Variants in ADAMTSL1 observed in about 807,000 individuals in gnomAD.
ADAMTSL1 encodes the protein ADAMTS-like protein 1.
ADAMTSL1 carries 126 observed loss-of-function variants against 201.8 expected under a neutral mutation model. The observed-to-expected ratio is 0.62, with a 90% CI of 0.54 to 0.72. ADAMTSL1 has a LOEUF of 0.72. ADAMTSL1 is among the 30% of genes least tolerant of loss of function. The pLI is 0.00. For missense variants in ADAMTSL1, 2,679 were observed against 2,277.8 expected (o/e 1.18, Z -3.59); for synonymous variants, 1,121 against 903.4 (o/e 1.24, Z -4.32).
chr9:18,605,004 G>C (rs1442922665), intron 4 of ADAMTSL1, among the ~76,000 whole-genome samples: 1 of 152,126 alleles, frequency 6.6e-6, no homozygotes, highest in Non-Finnish European at 1.5e-5. Context: ...TTGATTAAAA[G>C]ACATGCTCAC....
chr9:18,600,884 A>G (rs1824605938), intron 4 of ADAMTSL1, among the ~76,000 whole-genome samples: 1 of 152,150 alleles, frequency 6.6e-6, no homozygotes, highest in South Asian at 2.1e-4. Flanking sequence ...TTGGAACTAT[A>G]CATCTCATTT....
chr9:18,851,403 C>T (rs1230393403), intron 23 of ADAMTSL1, among the ~76,000 whole-genome samples: 1 of 152,188 alleles, frequency 6.6e-6, no homozygotes, highest in Admixed American at 6.5e-5. Context: ...CTGTTAGCAG[C>T]AGCAAATCCA....
rs146302321 is a variant in ADAMTSL1 at position 18,090,996 on chromosome 9, C to T, written c.88-72866C>T. ...CTTTCGCAGGTTCTCCTCAATGGTA[C>T]CTTCTCCATTAAGCTTTTCTCTCCA... On this transcript the variant is annotated intron_variant, in intron 1 of 29. Coordinates refer to the ADAMTSL1 transcript ENST00000680146. Among the ~76,000 whole-genome samples, 13 of 152,012 alleles carry T rather than the reference C, an allele frequency of 8.6e-5. No individual in the cohort carries two copies. The East Asian group carries it at 2.5e-3, about 29-fold the overall frequency.
chr9:18,454,739 G>A (rs751898934), intron 2 of ADAMTSL1, among the ~76,000 whole-genome samples: 1 of 151,938 alleles, frequency 6.6e-6, no homozygotes, highest in Non-Finnish European at 1.5e-5. Flanking sequence ...ATGGAGCCGA[G>A]GCTAATGTGA....
At chr9:18,197,883 C>A (rs941275247) in intron 2 of ADAMTSL1, among the ~76,000 whole-genome samples, 4 of 151,998 alleles carry the variant, frequency 2.6e-5, no homozygotes, top group Non-Finnish European at 4.4e-5. Context: ...GTAACGAAGA[C>A]AGCATGGTAC....
chr9:18,387,515 A>C (rs770252305), intron 2 of ADAMTSL1, among the ~76,000 whole-genome samples: 1 of 152,190 alleles, frequency 6.6e-6, no homozygotes, highest in Admixed American at 6.6e-5. Context: ...TCTATAAATC[A>C]TATATAGTAT....
intron 7 of ADAMTSL1, among the ~76,000 whole-genome samples, chr9:18,655,302 A>G (rs893279729): frequency 2.0e-5 from 3 of 152,170 alleles, no homozygotes; most frequent in Admixed American, 1.3e-4. Flanking sequence ...AGTGCAGTCA[A>G]TTGCTATGGA....
chr9:18,034,284 CT>C (rs1465622313), intron 1 of ADAMTSL1, among the ~76,000 whole-genome samples: 1 of 152,074 alleles, frequency 6.6e-6, no homozygotes, highest in Non-Finnish European at 1.5e-5. Context: ...AGCTTGGCAT[CT>C]GCCCTGTGGC....
At chr9:18,398,314 A>T (rs1344025901) in intron 2 of ADAMTSL1, among the ~76,000 whole-genome samples, 1 of 152,188 alleles carries the variant, frequency 6.6e-6, no homozygotes, top group Non-Finnish European at 1.5e-5. Context: ...GGTCATATTG[A>T]GTAAAATAAC....
At chr9:18,152,775 A>G (rs1826975330) in intron 1 of ADAMTSL1, among the ~76,000 whole-genome samples, 1 of 150,980 alleles carries the variant, frequency 6.6e-6, no homozygotes, top group Non-Finnish European at 1.5e-5. Context: ...GCAAGAATGC[A>G]AAAAAAAAGA....
chr9:18,085,441 A>G (rs530929376), intron 1 of ADAMTSL1, among the ~76,000 whole-genome samples: 38 of 148,286 alleles, frequency 2.6e-4, no homozygotes, highest in African/African-American at 9.4e-4. Flanking sequence ...TATATAGTAT[A>G]TATTGTGTAC....
chr9:18,771,116 C>T (rs1392157630), intron 17 of ADAMTSL1, among the ~76,000 whole-genome samples: 3 of 152,144 alleles, frequency 2.0e-5, no homozygotes, highest in African/African-American at 4.8e-5. Flanking sequence ...ACCACCCCCT[C>T]CTCCTGACCT....
rs760762246 is a variant in ADAMTSL1 at position 18,775,844 on chromosome 9, G to A, written c.2499G>A (p.Pro833=). The A allele has an allele frequency of 1.9e-6, 3 of 1,605,154 alleles. No homozygotes were observed. The highest frequency in any genetic ancestry group is 2.2e-5 in the East Asian group (1 of 44,610). The change falls in exon 18 of 29, where the codon CCG becomes CCA. Residue 833 remains proline (P), a synonymous_variant. Transcript: ENST00000380548. ...CGGTTGTCAATTCCACCCTGTGCCC[G>A]CCCCTGCCTTTCTCTTCCTCCATCA... ...LSTVVNSTLC[P]PLPFSSSIRP...
rs1049071315 is a variant in ADAMTSL1, at chr9:18,728,396, G to A, written c.2006+6731G>A. Among the ~76,000 whole-genome samples the A allele has an allele frequency of 6.6e-5, 10 of 152,136 alleles. No homozygotes were observed. The South Asian group carries it at 8.3e-4, about 13-fold the overall frequency. On this transcript the variant is annotated intron_variant, in intron 15 of 28. Coordinates refer to ENST00000380548, the MANE Select transcript of ADAMTSL1 (RefSeq NM_001040272.6). ...TCTGGGAAATGTCTTTATATAGACC[G>A]TTGGTTAACGTTAACTTTCTGCACA...
intron 19 of ADAMTSL1, among the ~76,000 whole-genome samples, chr9:18,787,429 G>A (rs1472260919): frequency 6.6e-6 from 1 of 152,112 alleles, no homozygotes; most frequent in Non-Finnish European, 1.5e-5. Context: ...TCTATTCCCT[G>A]AAATGCTAGG....
intron 3 of ADAMTSL1, among the ~76,000 whole-genome samples, chr9:18,538,642 G>T (rs1819942838): frequency 6.6e-6 from 1 of 152,204 alleles, no homozygotes; most frequent in South Asian, 2.1e-4. Context: ...TGGAAGCAAA[G>T]TTCTCATCCT....
chr9:18,890,867 T>C (rs1036622037), intron 25 of ADAMTSL1: 2 of 292,076 alleles, frequency 6.8e-6, no homozygotes, highest in East Asian at 9.6e-5. Flanking sequence ...AAGAGATCTT[T>C]GATGTGCCAG....
At chr9:18,535,163 A>G (rs1199308269) in intron 3 of ADAMTSL1, among the ~76,000 whole-genome samples, 1 of 152,160 alleles carries the variant, frequency 6.6e-6, no homozygotes, top group Non-Finnish European at 1.5e-5. Context: ...TGTCACTTAG[A>G]AATTTCTTCT....
At chr9:18,173,362 A>G (rs1002790274) in intron 2 of ADAMTSL1, among the ~76,000 whole-genome samples, 2 of 152,142 alleles carry the variant, frequency 1.3e-5, no homozygotes, top group Non-Finnish European at 2.9e-5. Context: ...ACCCAACATC[A>G]TGGGGCCTCC....
Sources: allele counts gnomAD v4.1 joint callset (sites outside exome capture counted in the v4.1 genomes callset), GRCh38; gene constraint gnomAD v4.1.1; transcripts MANE v1.5; gene names NCBI Gene and HGNC (gene_info 2026-07-23, HGNC 2026-07-21).